Variants in NAALADL2 observed in about 807,000 individuals in gnomAD.
NAALADL2 encodes the protein inactive N-acetylated-alpha-linked acidic dipeptidase-like protein 2.
Under a neutral mutation model 87.2 loss-of-function variants are expected in NAALADL2, and 76 were observed. That is an observed-to-expected ratio of 0.87 (90% CI 0.72 to 1.05). The LOEUF is 1.05. NAALADL2 is among the 50% of genes least tolerant of loss of function. The probability of loss-of-function intolerance (pLI) is 0.00; values close to 1 mark genes in which losing one functional copy is unlikely to be tolerated. For missense variants in NAALADL2, 1,089 were observed against 945.8 expected (o/e 1.15, Z -1.99); for synonymous variants, 354 against 331.0 (o/e 1.07, Z -0.75).
intron 12 of NAALADL2, among the ~76,000 whole-genome samples, chr3:175,743,582 T>C (rs1169072126): frequency 1.9e-4 from 29 of 152,198 alleles, no homozygotes. Flanking sequence ...GAAGGATGTA[T>C]GTAATGAATG....
At chr3:174,688,424 C>T (rs538613803) in intron 2 of NAALADL2, among the ~76,000 whole-genome samples, 8 of 151,960 alleles carry the variant, frequency 5.3e-5, no homozygotes, top group Admixed American at 4.6e-4. Context: ...CAATCAGTCA[C>T]ATAAGGCAGA....
intron 5 of NAALADL2, among the ~76,000 whole-genome samples, chr3:175,353,096 C>T (rs9877963): frequency 0.063 from 9,276 of 146,380 alleles, 923 homozygotes; most frequent in African/African-American, 0.22. Flanking sequence ...ATTCAAATAT[C>T]CATTTAATAA....
intron 4 of NAALADL2, among the ~76,000 whole-genome samples, chr3:175,290,075 A>G (rs1755465799): frequency 6.6e-6 from 1 of 152,226 alleles, no homozygotes; most frequent in African/African-American, 2.4e-5. Context: ...GTGTGATAAG[A>G]ATGCAAGCAA....
rs1391165446 is a variant in NAALADL2 at position 175,385,518 on chromosome 3, G to A, written c.1090+61193G>A. On this transcript the variant is annotated intron_variant, in intron 5 of 13. Coordinates refer to ENST00000454872, the MANE Select transcript of NAALADL2 (RefSeq NM_207015.3). ...TGAAAGAAAAAAGGTAGACTAATGG[G>A]TACAATTATACACTTACAAGAAAGA... is the stretch of plus-strand genomic sequence containing the variant. 2.6e-5 allele frequency among the ~76,000 whole-genome samples: 4 copies of A among 152,012 alleles called. No homozygotes were observed. In the South Asian group the frequency reaches 6.2e-4, roughly 24 times the overall value.
intron 1 of NAALADL2, among the ~76,000 whole-genome samples, chr3:175,052,913 G>T (rs1199456966): frequency 6.6e-6 from 1 of 152,132 alleles, no homozygotes; most frequent in Non-Finnish European, 1.5e-5. Flanking sequence ...ATTTTGTTCA[G>T]ACCAGCTTAA....
chr3:174,852,835 G>C (rs1725406129), intron 3 of NAALADL2, among the ~76,000 whole-genome samples: 1 of 152,148 alleles, frequency 6.6e-6, no homozygotes, highest in East Asian at 1.9e-4. Flanking sequence ...TACAGCAACA[G>C]CATGGTACTG....
chr3:175,191,963 G>A (rs1181022395), intron 2 of NAALADL2, among the ~76,000 whole-genome samples: 2 of 151,888 alleles, frequency 1.3e-5, no homozygotes, highest in African/African-American at 2.4e-5. Flanking sequence ...AAACACATTT[G>A]TTCTCCCCAA....
At chr3:175,642,556 A>G (rs1269309336) in intron 11 of NAALADL2, among the ~76,000 whole-genome samples, 2 of 148,030 alleles carry the variant, frequency 1.4e-5, no homozygotes, top group Admixed American at 6.8e-5. Flanking sequence ...GTTGGAGTGC[A>G]GTGGTGCGAT....
chr3:174,872,281 G>A (rs1025097786), intron 1 of NAALADL2, among the ~76,000 whole-genome samples: 2 of 152,150 alleles, frequency 1.3e-5, no homozygotes, highest in Non-Finnish European at 1.5e-5. Context: ...CCATATTTAA[G>A]AGTCACGTCC....
At chr3:175,137,766 G>GT (rs113841309) in intron 2 of NAALADL2, among the ~76,000 whole-genome samples, 33,891 of 151,078 alleles carry the variant, frequency 0.22, 4,189 homozygotes, top group South Asian at 0.34. Flanking sequence ...ACCCAGCTAA[G>GT]TTTGTTTTGT....
intron 2 of NAALADL2, among the ~76,000 whole-genome samples, chr3:174,699,748 C>T (rs1007523804): frequency 1.3e-5 from 2 of 149,700 alleles, no homozygotes; most frequent in Non-Finnish European, 3.0e-5. Context: ...TATGAGGTCT[C>T]GTTTTTGTGG....
chr3:174,445,732 G>T (rs1393644160), intron 1 of NAALADL2, among the ~76,000 whole-genome samples: 1 of 151,996 alleles, frequency 6.6e-6, no homozygotes, highest in East Asian at 1.9e-4. Flanking sequence ...TGGTATATAG[G>T]AGTAAAATAT....
chr3:175,733,789 G>A (rs1178239920), intron 11 of NAALADL2, among the ~76,000 whole-genome samples: 1 of 152,210 alleles, frequency 6.6e-6, no homozygotes, highest in South Asian at 2.1e-4. Flanking sequence ...GGTAAATACA[G>A]CCATTACAAA....
intron 1 of NAALADL2, among the ~76,000 whole-genome samples, chr3:174,862,931 A>G (rs1726679737): frequency 1.3e-5 from 2 of 152,106 alleles, no homozygotes; most frequent in African/African-American, 2.4e-5. Context: ...CTCTGGGGGA[A>G]GATGTTCCAA....
chr3:175,754,666 T>C (rs988479016), intron 12 of NAALADL2, among the ~76,000 whole-genome samples: 2 of 152,206 alleles, frequency 1.3e-5, no homozygotes, highest in African/African-American at 4.8e-5. Context: ...TTTTCTTCCC[T>C]GAAATACAGT....
At chr3:175,273,708 ATGTG>A (rs920773641) in intron 4 of NAALADL2, among the ~76,000 whole-genome samples, 30 of 149,748 alleles carry the variant, frequency 2.0e-4, no homozygotes, top group African/African-American at 7.0e-4. Context: ...CATAAAGAAT[ATGTG>A]TGTGCATGTG....
At chr3:174,557,697 A>C (rs1225868824) in intron 2 of NAALADL2, among the ~76,000 whole-genome samples, 7 of 122,466 alleles carry the variant, frequency 5.7e-5, no homozygotes, top group Admixed American at 3.3e-4. Flanking sequence ...CACTACTAGA[A>C]CTGTTTTTTT....
intron 4 of NAALADL2, among the ~76,000 whole-genome samples, chr3:175,271,524 GCTCACATCTGTAATC>G (rs1345503864): frequency 2.0e-5 from 3 of 152,146 alleles, no homozygotes; most frequent in Non-Finnish European, 4.4e-5. Context: ...CGGTGTGGTG[GCTCACATCTGTAATC>G]CCAGCACTTT....
At chr3:174,664,888 A>G (rs572561730) in intron 2 of NAALADL2, among the ~76,000 whole-genome samples, 7 of 152,358 alleles carry the variant, frequency 4.6e-5, no homozygotes, top group Non-Finnish European at 7.3e-5. Context: ...ACTGGAACCA[A>G]CAAAGTCCCC....
Sources: allele counts gnomAD v4.1 joint callset (sites outside exome capture counted in the v4.1 genomes callset), GRCh38; gene constraint gnomAD v4.1.1; transcripts MANE v1.5; gene names NCBI Gene and HGNC (gene_info 2026-07-23, HGNC 2026-07-21).